Variants in CACNA2D3 observed in about 807,000 individuals in gnomAD.
CACNA2D3 encodes voltage-dependent calcium channel subunit alpha-2/delta-3.
Under a neutral mutation model 160.6 loss-of-function variants are expected in CACNA2D3, and 60 were observed. The ratio of observed to expected loss-of-function variants is 0.37; its 90% CI spans 0.30 to 0.46. The LOEUF is 0.46. CACNA2D3 is among the 20% of genes least tolerant of loss of function. The pLI, the probability that CACNA2D3 is intolerant of heterozygous loss-of-function variation, is 1.00. For synonymous variants in CACNA2D3, 558 were observed against 492.9 expected (o/e 1.13, Z -1.75); for missense variants, 1,205 against 1,365.0 (o/e 0.88, Z 1.85).
chr3:54,976,646 GAC>G (rs1222654196), intron 29 of CACNA2D3, among the ~76,000 whole-genome samples: 1 of 152,098 alleles, frequency 6.6e-6, no homozygotes, highest in African/African-American at 2.4e-5. Context: ...TATTATTAGT[GAC>G]AGTCATGTTT....
chr3:54,368,340 G>T (rs1249305129), intron 3 of CACNA2D3, among the ~76,000 whole-genome samples: 1 of 152,036 alleles, frequency 6.6e-6, no homozygotes, highest in African/African-American at 2.4e-5. Flanking sequence ...AAAACAAATA[G>T]TAGTTATTTG....
chr3:54,496,740 T>C (rs148972586), intron 4 of CACNA2D3, among the ~76,000 whole-genome samples: 1 of 152,312 alleles, frequency 6.6e-6, no homozygotes, highest in East Asian at 1.9e-4. Flanking sequence ...TCCTTTACTT[T>C]TTTCCTAGAA....
chr3:54,270,632 C>T (rs956761923), intron 2 of CACNA2D3, among the ~76,000 whole-genome samples: 1 of 152,158 alleles, frequency 6.6e-6, no homozygotes. Context: ...CTGCTGAGTT[C>T]TATGATCATC....
chr3:54,899,810 G>A lies in CACNA2D3; in HGVS notation c.2391G>A (p.Val797=). 2 of 1,609,220 alleles carry A rather than the reference G, an allele frequency of 1.2e-6. No homozygotes were observed. The highest frequency in any genetic ancestry group is 1.7e-6 in the Non-Finnish European group (2 of 1,177,840). The change falls in exon 27 of 38, where the codon GTG becomes GTA. Residue 797 remains valine (V), a synonymous_variant. Coordinates refer to ENST00000474759, the MANE Select transcript of CACNA2D3 (RefSeq NM_018398.3). ...FSTGPVNKSN[V]VTASTSIQLL... ...CAGGACCAGTCAATAAAAGCAATGT[G>A]GTGACAGCAAGTACATCCATCCAGC...
intron 4 of CACNA2D3, among the ~76,000 whole-genome samples, chr3:54,467,135 G>GATAC (rs113792970): frequency 0.056 from 8,464 of 152,178 alleles, 808 homozygotes; most frequent in African/African-American, 0.19. Context: ...CTGGCAAAAG[G>GATAC]ATACACATCA....
At chr3:54,663,411 G>T (rs1337978913) in intron 11 of CACNA2D3, among the ~76,000 whole-genome samples, 1 of 152,166 alleles carries the variant, frequency 6.6e-6, no homozygotes, top group East Asian at 1.9e-4. Context: ...ATGGCCCTGG[G>T]CCTCTCAGTT....
chr3:54,385,348 A>AGG (rs1188719910), intron 3 of CACNA2D3, among the ~76,000 whole-genome samples: 1 of 152,150 alleles, frequency 6.6e-6, no homozygotes, highest in African/African-American at 2.4e-5. Flanking sequence ...AGGCTCAGAC[A>AGG]GGGGAAGGGT....
chr3:54,894,569 G>A, intron 25 of CACNA2D3: 1 of 510,686 alleles, frequency 2.0e-6, no homozygotes, highest in South Asian at 1.4e-5. Flanking sequence ...AACCTGTGCT[G>A]CATAGACAGG....
chr3:54,307,242 G>T (rs1703623556), intron 2 of CACNA2D3, among the ~76,000 whole-genome samples: 1 of 152,168 alleles, frequency 6.6e-6, no homozygotes, highest in Non-Finnish European at 1.5e-5. Context: ...ATTTGATTCT[G>T]AAGTTGGTGA....
intron 9 of CACNA2D3, among the ~76,000 whole-genome samples, chr3:54,602,448 A>C (rs1703077979): frequency 7.1e-6 from 1 of 141,794 alleles, no homozygotes; most frequent in Non-Finnish European, 1.5e-5. Context: ...CAGTGAGCCG[A>C]GATCATGCCA....
Position 54,665,915 on chromosome 3 carries a change from C to T in CACNA2D3, c.1167+23674C>T, listed in dbSNP as rs951623874. Among the ~76,000 whole-genome samples, 5 of 151,954 alleles carry T rather than the reference C, an allele frequency of 3.3e-5. No individual in the cohort carries two copies. In the South Asian group the frequency reaches 6.2e-4, roughly 19 times the overall value. ...CTCTCAGGTTCAAGCGATACTCCTA[C>T]CTCAGCCTCCTGAGTAGCTGAGACT... On this transcript the variant is annotated intron_variant, in intron 11 of 37. Coordinates refer to ENST00000474759, the MANE Select transcript of CACNA2D3 (RefSeq NM_018398.3).
chr3:54,362,276 T>C (rs1698756411), intron 3 of CACNA2D3, among the ~76,000 whole-genome samples: 1 of 152,196 alleles, frequency 6.6e-6, no homozygotes, highest in African/African-American at 2.4e-5. Flanking sequence ...CTTCAGGTTG[T>C]TGGCAGGATT....
intron 11 of CACNA2D3, among the ~76,000 whole-genome samples, chr3:54,744,143 T>A (rs1403665418): frequency 1.3e-5 from 2 of 152,334 alleles, no homozygotes; most frequent in East Asian, 3.9e-4. Flanking sequence ...CTGATATGAC[T>A]ATTCTGGATC....
chr3:54,823,942 A>G (rs1269041353), intron 14 of CACNA2D3, among the ~76,000 whole-genome samples: 1 of 152,238 alleles, frequency 6.6e-6, no homozygotes, highest in African/African-American at 2.4e-5. Flanking sequence ...GTAATGAACT[A>G]ATTGTTTTAC....
intron 11 of CACNA2D3, among the ~76,000 whole-genome samples, chr3:54,712,043 G>A (rs2106965525): frequency 6.6e-6 from 1 of 152,204 alleles, no homozygotes; most frequent in East Asian, 1.9e-4. Flanking sequence ...ATTATAAGAG[G>A]GCTCTAGACA....
intron 3 of CACNA2D3, among the ~76,000 whole-genome samples, chr3:54,367,201 T>A (rs1055788340): frequency 1.3e-5 from 2 of 152,142 alleles, no homozygotes; most frequent in African/African-American, 4.8e-5. Flanking sequence ...GATTTTTTTT[T>A]AAACTACAGG....
intron 4 of CACNA2D3, among the ~76,000 whole-genome samples, chr3:54,403,356 AACACACACACACACACACACACAC>A (rs55779518): frequency 1.5e-5 from 2 of 137,598 alleles, no homozygotes; most frequent in Admixed American, 1.5e-4. Context: ...CCCTATCTCA[AACACACACACACACACACACACAC>A]ACACACACAC....
intron 4 of CACNA2D3, among the ~76,000 whole-genome samples, chr3:54,456,938 C>T (rs761889237): frequency 1.5e-4 from 23 of 151,536 alleles, no homozygotes; most frequent in Non-Finnish European, 2.1e-4. Flanking sequence ...GTAGTATCAG[C>T]TGTAATTCTT....
chr3:54,695,025 T>C (rs1700638916), intron 11 of CACNA2D3, among the ~76,000 whole-genome samples: 1 of 150,394 alleles, frequency 6.6e-6, no homozygotes, highest in Non-Finnish European at 1.5e-5. Context: ...TCATAAAATA[T>C]TTTTTTTTTG....
Sources: gnomAD v4.1 joint callset for allele counts (sites outside exome capture counted in the v4.1 genomes callset) on GRCh38, gnomAD v4.1.1 for gene constraint, MANE v1.5 for transcripts, NCBI Gene and HGNC (gene_info 2026-07-23, HGNC 2026-07-21) for gene names.